SPOP: variants seen among roughly 807,000 people sequenced by gnomAD.
The protein encoded by SPOP is speckle-type POZ protein.
Under a neutral mutation model 45.6 loss-of-function variants are expected in SPOP, and 11 were observed. The ratio of observed to expected loss-of-function variants is 0.24; its 90% CI spans 0.15 to 0.40. The LOEUF (loss-of-function observed/expected upper bound fraction) is 0.40, where lower values mean the gene tolerates loss of function less well. SPOP is among the 10% of genes least tolerant of loss of function. The probability of loss-of-function intolerance (pLI) is 1.00; values close to 1 mark genes in which losing one functional copy is unlikely to be tolerated. For synonymous variants in SPOP, 166 were observed against 166.3 expected, an observed-to-expected ratio of 1.00 and a Z score of 0.01; for missense variants, 152 against 465.6, an observed-to-expected ratio of 0.33 and a Z score of 6.20.
chr17:49,677,586 A>C (rs938336278), intron 1 of SPOP, among the ~76,000 whole-genome samples: 6 of 152,124 alleles, frequency 3.9e-5, no homozygotes, highest in East Asian at 1.9e-4. Context: ...GGGGCAGCGA[A>C]GAAGCAGCCC....
intron 1 of SPOP, among the ~76,000 whole-genome samples, chr17:49,633,472 A>C (rs1411562856): frequency 6.6e-5 from 10 of 152,220 alleles, no homozygotes; most frequent in Admixed American, 5.2e-4. Context: ...CTTAGCAGCC[A>C]GCTCAAAGGT....
intron 7 of SPOP, 127 bp downstream of exon 7, chr17:49,607,747 G>A: frequency 1.1e-6 from 1 of 870,180 alleles, no homozygotes; most frequent in Non-Finnish European, 1.8e-6. Flanking sequence ...CTCAGAAGGA[G>A]TTTAGGGACT....
intron 1 of SPOP, among the ~76,000 whole-genome samples, chr17:49,656,663 A>G (rs1407161747): frequency 6.6e-6 from 1 of 152,198 alleles, no homozygotes; most frequent in Non-Finnish European, 1.5e-5. Context: ...AGCATTTCCT[A>G]ACTGCCCCAG....
chr17:49,623,507 T>C (rs996471665), intron 1 of SPOP, among the ~76,000 whole-genome samples: 2 of 152,196 alleles, frequency 1.3e-5, no homozygotes, highest in Non-Finnish European at 2.9e-5. Context: ...CAGACATAAC[T>C]TGCCATGGGC....
At chr17:49,653,044 GC>G (rs1358342275) in intron 1 of SPOP, among the ~76,000 whole-genome samples, 1 of 152,048 alleles carries the variant, frequency 6.6e-6, no homozygotes, top group Non-Finnish European at 1.5e-5. Context: ...TATCCTCAGG[GC>G]CTGAATTCTA....
chr17:49,599,559 T>C lies in SPOP; in HGVS notation c.*819A>G, dbSNP rs1226691732. On this transcript the variant is annotated 3_prime_UTR_variant, in exon 10 of 10. Transcript: ENST00000504102. ...AAGGGGTGGGGGAGAAGAAATAAAA[T>C]CAGAGAAAAATGCCCAAAAACATTT... 4.6e-6 allele frequency: 1 copy of C among 217,990 alleles called. No homozygotes were observed. The highest frequency in any genetic ancestry group is 2.3e-5 in the African/African-American group (1 of 44,382). 13.5% of individuals were successfully genotyped at this position (217,990 alleles called of 1,614,324 possible). A position where few individuals can be genotyped will look rare whatever the true frequency, so the allele number is the denominator to read the frequency against.
chr17:49,603,808 T>A (rs376334754), intron 8 of SPOP, among the ~76,000 whole-genome samples: 11 of 152,378 alleles, frequency 7.2e-5, no homozygotes, highest in African/African-American at 2.4e-4. Context: ...TTCATAAATT[T>A]AAAGCACTGC....
In SPOP at chr17:49,669,766, A is replaced by AT. The variant is rs1449796048; in HGVS notation, c.-67+8166_-67+8167insA. Among the ~76,000 whole-genome samples, 4 of 150,268 alleles carry AT rather than the reference A, an allele frequency of 2.7e-5. No individual in the cohort carries two copies. The East Asian group carries it at 5.9e-4, about 22-fold the overall frequency. On this transcript the variant is annotated intron_variant, in intron 1 of 9. Transcript: ENST00000504102. ...ATGACAGAGCAAGACTCTGCCTCAA[A>AT]AAAAAAAAAAAAAAAAAATTAAGAC...
intron 1 of SPOP, among the ~76,000 whole-genome samples, chr17:49,625,941 G>A (rs1304246802): frequency 6.6e-6 from 1 of 152,178 alleles, no homozygotes; most frequent in Non-Finnish European, 1.5e-5. Flanking sequence ...ACAAATATCT[G>A]TTAATTAGGG....
intron 3 of SPOP, among the ~76,000 whole-genome samples, chr17:49,621,593 T>C (rs1260546079): frequency 2.0e-5 from 3 of 152,262 alleles, no homozygotes; most frequent in Non-Finnish European, 4.4e-5. Flanking sequence ...TAGCTATAGT[T>C]AGCTGGAGCT....
intron 1 of SPOP, among the ~76,000 whole-genome samples, chr17:49,644,353 C>T (rs1220022382): frequency 1.3e-5 from 2 of 152,116 alleles, no homozygotes; most frequent in African/African-American, 2.4e-5. Flanking sequence ...CATCCCTCTC[C>T]CTCCCTCAAA....
intron 1 of SPOP, among the ~76,000 whole-genome samples, chr17:49,673,440 A>G (rs995148874): frequency 6.6e-6 from 1 of 152,034 alleles, no homozygotes; most frequent in African/African-American, 2.4e-5. Context: ...CAGGAGGCGG[A>G]GCTTGCAGTG....
At chr17:49,673,470 C>T (rs147552839) in intron 1 of SPOP, among the ~76,000 whole-genome samples, 2,616 of 152,064 alleles carry the variant, frequency 0.017, 70 homozygotes, top group African/African-American at 0.058. Context: ...CGCGCCACTG[C>T]ACTCCAGCCT....
chr17:49,666,422 T>C (rs982568636), intron 1 of SPOP, among the ~76,000 whole-genome samples: 4 of 149,980 alleles, frequency 2.7e-5, no homozygotes, highest in Non-Finnish European at 5.9e-5. Flanking sequence ...TACCTCCATA[T>C]AGGGGAGGAT....
At chr17:49,623,453 A>C (rs2072261402) in intron 1 of SPOP, among the ~76,000 whole-genome samples, 1 of 152,226 alleles carries the variant, frequency 6.6e-6, no homozygotes, top group African/African-American at 2.4e-5. Flanking sequence ...TTTAAAGTAT[A>C]TCTATGAAAA....
chr17:49,672,149 A>G (rs1407293546), intron 1 of SPOP, among the ~76,000 whole-genome samples: 2 of 152,210 alleles, frequency 1.3e-5, no homozygotes, highest in Non-Finnish European at 2.9e-5. Flanking sequence ...CAAAAAAAAA[A>G]TTATAATTTA....
chr17:49,676,548 G>A (rs1351291198), intron 1 of SPOP, among the ~76,000 whole-genome samples: 2 of 152,176 alleles, frequency 1.3e-5, no homozygotes, highest in African/African-American at 4.8e-5. Context: ...AAACTAAAGA[G>A]AATTGAAAGT....
At chr17:49,634,794 C>T (rs2072513749) in intron 1 of SPOP, among the ~76,000 whole-genome samples, 1 of 152,104 alleles carries the variant, frequency 6.6e-6, no homozygotes, top group Non-Finnish European at 1.5e-5. Context: ...GGAAGGGACC[C>T]AAGGAATGAA....
chr17:49,635,661 G>A (rs1029947818), intron 1 of SPOP, among the ~76,000 whole-genome samples: 2 of 137,828 alleles, frequency 1.5e-5, no homozygotes, highest in African/African-American at 5.4e-5. Flanking sequence ...TTGAGACGGA[G>A]TCTTGTTCTG....
Sources: gnomAD v4.1 joint callset for allele counts (sites outside exome capture counted in the v4.1 genomes callset) on GRCh38, gnomAD v4.1.1 for gene constraint, MANE v1.5 for transcripts, NCBI Gene and HGNC (gene_info 2026-07-23, HGNC 2026-07-21) for gene names.